CDH12: variants seen among roughly 807,000 people sequenced by gnomAD.
CDH12 encodes the protein cadherin-12.
A neutral mutation model predicts 74.1 loss-of-function variants in CDH12; 41 were observed. That is an observed-to-expected ratio of 0.55 (90% CI 0.43 to 0.72). CDH12 has a LOEUF of 0.72. Ranked by LOEUF, CDH12 falls within the 30% of genes least tolerant of loss-of-function variation. The probability of loss-of-function intolerance (pLI) is 0.00; values close to 1 mark genes in which losing one functional copy is unlikely to be tolerated. For missense variants in CDH12, 945 were observed against 977.2 expected (o/e 0.97, Z 0.44); for synonymous variants, 399 against 355.0 (o/e 1.12, Z -1.39).
intron 4 of CDH12, among the ~76,000 whole-genome samples, chr5:22,116,407 C>G (rs1018234560): frequency 5.3e-5 from 8 of 152,094 alleles, no homozygotes; most frequent in African/African-American, 1.9e-4. Flanking sequence ...AGATAGAGAC[C>G]ATCTTAGCTA....
chr5:21,771,342 T>C lies in CDH12; in HGVS notation c.1394-6243A>G, dbSNP rs377227175. Among the ~76,000 whole-genome samples, 4 of 152,150 alleles carry C rather than the reference T, an allele frequency of 2.6e-5. No individual in the cohort carries two copies. The South Asian group carries it at 6.2e-4, about 24-fold the overall frequency. ...TCAGTAAGATATAATAAATGAATGA[T>C]ATAGGTTGACACAGGCTTTCTTTGA... On this transcript the variant is annotated intron_variant, in intron 11 of 14. Coordinates refer to ENST00000382254, the MANE Select transcript of CDH12 (RefSeq NM_004061.5).
At chr5:22,144,199 T>C (rs1747008001) in intron 4 of CDH12, 1 of 152,208 alleles carries the variant, frequency 6.6e-6, no homozygotes, top group Non-Finnish European at 1.5e-5. Flanking sequence ...ATATAAGTTG[T>C]TCTTTTCTTA....
intron 6 of CDH12, among the ~76,000 whole-genome samples, chr5:21,946,310 T>C (rs960648147): frequency 4.6e-5 from 7 of 152,198 alleles, no homozygotes; most frequent in African/African-American, 1.7e-4. Context: ...TTTTCAGCTT[T>C]TACAAACATC....
At chr5:22,578,069 A>G (rs1739883537) in intron 1 of CDH12, among the ~76,000 whole-genome samples, 1 of 152,168 alleles carries the variant, frequency 6.6e-6, no homozygotes, top group African/African-American at 2.4e-5. Flanking sequence ...AGAAAAGCTG[A>G]AAAGTCTTTC....
At chr5:21,950,982 T>C (rs952545169) in intron 6 of CDH12, among the ~76,000 whole-genome samples, 1 of 151,016 alleles carries the variant, frequency 6.6e-6, no homozygotes, top group Non-Finnish European at 1.5e-5. Context: ...AGAGACGGGG[T>C]TTCACCGTGT....
chr5:21,873,853 C>A (rs540704401), intron 6 of CDH12, among the ~76,000 whole-genome samples: 3 of 10,444 alleles, frequency 2.9e-4, no homozygotes, highest in African/African-American at 9.6e-4. Context: ...GTTCAGCTCC[C>A]GCTTACAAGT....
intron 1 of CDH12, among the ~76,000 whole-genome samples, chr5:22,821,107 C>G (rs993006600): frequency 2.0e-5 from 3 of 152,038 alleles, no homozygotes; most frequent in African/African-American, 7.2e-5. Flanking sequence ...TGTAATCCAG[C>G]ATATAAACAG....
intron 3 of CDH12, among the ~76,000 whole-genome samples, chr5:22,323,293 C>A (rs982918257): frequency 6.6e-6 from 1 of 152,052 alleles, no homozygotes; most frequent in African/African-American, 2.4e-5. Flanking sequence ...CATAGTATTA[C>A]AATTAAAATT....
At chr5:21,925,325 T>G (rs1410132404) in intron 6 of CDH12, among the ~76,000 whole-genome samples, 1 of 152,194 alleles carries the variant, frequency 6.6e-6, no homozygotes, top group African/African-American at 2.4e-5. Context: ...CTGAAATATT[T>G]GACTAAGTGG....
intron 1 of CDH12, among the ~76,000 whole-genome samples, chr5:22,511,609 A>G (rs1283495555): frequency 6.6e-6 from 1 of 152,200 alleles, no homozygotes; most frequent in Non-Finnish European, 1.5e-5. Flanking sequence ...ATGTGGAGTG[A>G]TGGAAGCTCT....
chr5:22,421,860 A>AC (rs1743667114), intron 2 of CDH12, among the ~76,000 whole-genome samples: 1 of 152,068 alleles, frequency 6.6e-6, no homozygotes, highest in Non-Finnish European at 1.5e-5. Flanking sequence ...TTGTTTACTG[A>AC]CTTTTTAATG....
intron 5 of CDH12, among the ~76,000 whole-genome samples, chr5:21,998,914 C>T (rs1736446872): frequency 6.6e-6 from 1 of 152,068 alleles, no homozygotes; most frequent in Non-Finnish European, 1.5e-5. Flanking sequence ...TTTACTATAA[C>T]TTATGCATGT....
At chr5:21,850,341 T>C (rs1271594527) in intron 7 of CDH12, among the ~76,000 whole-genome samples, 1 of 151,332 alleles carries the variant, frequency 6.6e-6, no homozygotes, top group African/African-American at 2.4e-5. Flanking sequence ...TGGGGGAGAA[T>C]GAATAAGTAA....
At chr5:22,516,511 G>T (rs557117485) in intron 1 of CDH12, among the ~76,000 whole-genome samples, 1 of 152,188 alleles carries the variant, frequency 6.6e-6, no homozygotes, top group African/African-American at 2.4e-5. Flanking sequence ...GTTAATAAAA[G>T]TGGCTGGGTG....
intron 6 of CDH12, among the ~76,000 whole-genome samples, chr5:21,882,023 T>TA (rs1388373941): frequency 6.6e-5 from 10 of 152,222 alleles, no homozygotes; most frequent in Admixed American, 1.3e-4. Context: ...ATAAGCGTTT[T>TA]ACTAAAATGA....
intron 4 of CDH12, among the ~76,000 whole-genome samples, chr5:22,156,037 C>A (rs938371895): frequency 7.2e-5 from 11 of 152,088 alleles, no homozygotes; most frequent in African/African-American, 2.4e-4. Context: ...TGGAGCCATG[C>A]AGGTTTGCAT....
At chr5:22,698,715 A>G (rs1742533172) in intron 1 of CDH12, among the ~76,000 whole-genome samples, 6 of 35,512 alleles carry the variant, frequency 1.7e-4, no homozygotes, top group African/African-American at 4.4e-4. Flanking sequence ...ATATATATAT[A>G]TATATATATA....
intron 5 of CDH12, among the ~76,000 whole-genome samples, chr5:22,061,326 G>C (rs1454458041): frequency 6.6e-6 from 1 of 152,088 alleles, no homozygotes; most frequent in Admixed American, 6.6e-5. Context: ...AACATATATA[G>C]TTAGTACCTT....
At chr5:22,066,525 T>C (rs1484609853) in intron 5 of CDH12, among the ~76,000 whole-genome samples, 6 of 152,154 alleles carry the variant, frequency 3.9e-5, no homozygotes, top group Non-Finnish European at 1.5e-5. Context: ...CTTGGGTCCA[T>C]CTCAGTGGAG....
Sources: gnomAD v4.1 joint callset for allele counts (sites outside exome capture counted in the v4.1 genomes callset) on GRCh38, gnomAD v4.1.1 for gene constraint, MANE v1.5 for transcripts, NCBI Gene and HGNC (gene_info 2026-07-23, HGNC 2026-07-21) for gene names.